The following NUDC variants were observed in gnomAD, a reference collection of about 807,000 sequenced individuals.
The protein encoded by NUDC is nuclear distribution C, dynein complex regulator.
In NUDC, 14 loss-of-function variants were observed where a neutral mutation model predicts 45.0. The observed-to-expected ratio is 0.31, with a 90% CI of 0.21 to 0.49. The LOEUF is 0.49. Among genes scored for constraint, NUDC ranks in the 20% least tolerant of loss-of-function variants. The pLI is 0.99. For synonymous variants in NUDC, 153 were observed against 156.7 expected, an observed-to-expected ratio of 0.98 and a Z score of 0.17; for missense variants, 323 against 426.2, an observed-to-expected ratio of 0.76 and a Z score of 2.13.
At chr1:26,912,233 G>C (rs1448956872) in intron 3 of NUDC, 1 of 813,216 alleles carries the variant, frequency 1.2e-6, no homozygotes, top group African/African-American at 1.7e-5. Context: ...TCCTCCTTTA[G>C]AGGAGGTAAT....
At chr1:26,936,167 T>TA (rs1557678406) in intron 2 of NUDC, among the ~76,000 whole-genome samples, 24 of 2,990 alleles carry the variant, frequency 8.0e-3, no homozygotes, top group Non-Finnish European at 9.5e-3. Context: ...ATATATATAT[T>TA]TTTTTTTTTT....
chr1:26,932,330 C>T (rs1021469267), intron 2 of NUDC, among the ~76,000 whole-genome samples: 2 of 151,906 alleles, frequency 1.3e-5, no homozygotes, highest in Non-Finnish European at 2.9e-5. Context: ...GTGCGCACAA[C>T]CATGCCGGGC....
intron 3 of NUDC, among the ~76,000 whole-genome samples, chr1:26,915,461 G>A (rs75374511): frequency 0.099 from 15,092 of 152,234 alleles, 1,036 homozygotes; most frequent in Non-Finnish European, 0.15. Context: ...GGGGATGAGA[G>A]AAGGTGGAGA....
In NUDC at chr1:26,913,506, C is replaced by G. The variant is rs148569409; in HGVS notation, c.93+2271C>G. The G allele has an allele frequency of 8.1e-6, 13 of 1,613,452 alleles. No homozygotes were observed. In the African/African-American group the frequency reaches 1.6e-4, roughly 20 times the overall value. On this transcript the variant is annotated intron_variant, in intron 3 of 6. Coordinates refer to the NUDC transcript ENST00000435827. ...CCAGACAGCATTGAAGCCACTGCAC[C>G]GCAGCCAGGGAGGGCTGGGGTCTGT...
chr1:26,944,949 G>A (rs1467237940), intron 6 of NUDC, among the ~76,000 whole-genome samples: 3 of 152,166 alleles, frequency 2.0e-5, no homozygotes, highest in Admixed American at 6.6e-5. Flanking sequence ...GGCTGAGGCC[G>A]GAGAATTGCT....
intron 7 of NUDC, 22 bp downstream of exon 7, chr1:26,945,495 G>C (rs1234307434): frequency 1.2e-6 from 2 of 1,613,348 alleles, no homozygotes; most frequent in African/African-American, 2.7e-5. Flanking sequence ...CTGGTTGGGG[G>C]AGCTTCAGCA....
intron 1 of NUDC, among the ~76,000 whole-genome samples, chr1:26,923,415 T>C (rs2082106620): frequency 6.6e-6 from 1 of 152,216 alleles, no homozygotes. Context: ...ATCCATCTTA[T>C]CCTCCTTTGA....
chr1:26,902,786 T>C (rs1475808040), intron 2 of NUDC, among the ~76,000 whole-genome samples: 1 of 151,682 alleles, frequency 6.6e-6, no homozygotes, highest in South Asian at 2.1e-4. Flanking sequence ...CAGTGGCTAA[T>C]GCCTGTAATC....
intron 2 of NUDC, among the ~76,000 whole-genome samples, chr1:26,939,622 A>T (rs2082261139): frequency 6.6e-6 from 1 of 152,096 alleles, no homozygotes; most frequent in South Asian, 2.1e-4. Flanking sequence ...TAATAACAAG[A>T]TAGAGGCACA....
chr1:26,936,263 C>T (rs1165056874), intron 2 of NUDC, among the ~76,000 whole-genome samples: 9 of 129,034 alleles, frequency 7.0e-5, no homozygotes, highest in Admixed American at 5.1e-4. Context: ...GATCTCGGCT[C>T]ACCACAACAT....
chr1:26,905,220 G>A (rs1002889758), intron 2 of NUDC, among the ~76,000 whole-genome samples: 2 of 142,944 alleles, frequency 1.4e-5, no homozygotes, highest in Non-Finnish European at 3.0e-5. Context: ...GAGTGCAATG[G>A]CACCATCTCG....
chr1:26,943,264 G>A (rs1221964958), intron 6 of NUDC, among the ~76,000 whole-genome samples, 199 bp downstream of exon 6: 1 of 152,138 alleles, frequency 6.6e-6, no homozygotes, highest in Admixed American at 6.6e-5. Context: ...CTGAAGTGCA[G>A]TAACACCTTC....
chr1:26,925,440 T>G (rs1372076164), intron 2 of NUDC, among the ~76,000 whole-genome samples: 1 of 139,998 alleles, frequency 7.1e-6, no homozygotes, highest in Non-Finnish European at 1.5e-5. Context: ...CTCTGGAGGC[T>G]GAGGCAGGAG....
chr1:26,901,232 G>A (rs2081977236), intron 1 of NUDC, among the ~76,000 whole-genome samples: 1 of 151,264 alleles, frequency 6.6e-6, no homozygotes, highest in African/African-American at 2.4e-5. Context: ...TGGGACCACA[G>A]ATGCAACCCA....
At chr1:26,946,088 A>C (rs781136891) in intron 8 of NUDC, 42 bp from the exon 9 acceptor site, 1 of 1,589,846 alleles carries the variant, frequency 6.3e-7, no homozygotes, top group Non-Finnish European at 8.6e-7. Context: ...ACAGCTTTAG[A>C]AGAGAAGGAT....
intron 3 of NUDC, chr1:26,912,198 C>T (rs41303641): frequency 0.064 from 88,486 of 1,376,614 alleles, 3,218 homozygotes; most frequent in Non-Finnish European, 0.073. Flanking sequence ...CTCCTTTGCT[C>T]GGCCTTTGAG....
At chr1:26,924,000 T>A in intron 1 of NUDC, 89 bp from the exon 2 acceptor site, 1 of 1,175,820 alleles carries the variant, frequency 8.5e-7, no homozygotes, top group East Asian at 2.3e-5. Context: ...AGTCCCAAGT[T>A]CCCTCCTAGA....
chr1:26,934,724 A>G (rs1240992394), intron 2 of NUDC, among the ~76,000 whole-genome samples: 8 of 150,970 alleles, frequency 5.3e-5, no homozygotes, highest in South Asian at 4.2e-4. Flanking sequence ...CAGTGGTGCA[A>G]TCTGGGCTCA....
At chr1:26,918,986 C>T (rs965068739), upstream of NUDC, among the ~76,000 whole-genome samples, 11 of 152,076 alleles carry the variant, frequency 7.2e-5, no homozygotes, top group African/African-American at 1.4e-4. Context: ...CCATGTTGGC[C>T]GGGCTGCTCT....
Sources: allele counts gnomAD v4.1 joint callset (sites outside exome capture counted in the v4.1 genomes callset), GRCh38; gene constraint gnomAD v4.1.1; transcripts MANE v1.5; gene names NCBI Gene and HGNC (gene_info 2026-07-23, HGNC 2026-07-21).